Variants in ARHGEF40 observed in about 807,000 individuals in gnomAD.
The protein encoded by ARHGEF40 is Rho guanine nucleotide exchange factor (GEF) 40.
In ARHGEF40, 98 loss-of-function variants were observed where a neutral mutation model predicts 165.9. That is an observed-to-expected ratio of 0.59 (90% CI 0.50 to 0.70). The LOEUF (loss-of-function observed/expected upper bound fraction) is 0.70, where lower values mean the gene tolerates loss of function less well. ARHGEF40 is among the 30% of genes least tolerant of loss of function. The probability of loss-of-function intolerance (pLI) is 0.00; values close to 1 mark genes in which losing one functional copy is unlikely to be tolerated. For synonymous variants in ARHGEF40, 792 were observed against 814.3 expected (o/e 0.97, Z 0.47); for missense variants, 1,815 against 1,968.0 (o/e 0.92, Z 1.47).
Position 21,075,799 on chromosome 14 carries a change from T to C in ARHGEF40, c.1739+34T>C. 6.2e-7 allele frequency: 1 copy of C among 1,600,332 alleles called. No individual in the cohort carries two copies. Among genetic ancestry groups the C allele is most frequent in the Non-Finnish European group, 8.5e-7 (1 of 1,171,970 alleles). ...GGCCCAGTCCTGGCACCCTGGACAC[T>C]AACCTCCTGATTCATGAGGACCCTC... On this transcript the variant is annotated intron_variant, in intron 5 of 23. Transcript: ENST00000298694. This position sits in a 1 kb window ranked among gnomAD's most constrained non-coding sequence, Gnocchi z 4.5.
Position 21,076,863 on chromosome 14 carries a change from T to C in ARHGEF40, c.2007T>C (p.Ser669=), listed in dbSNP as rs1351969323. The C allele has an allele frequency of 6.2e-7, 1 of 1,613,482 alleles. No individual in the cohort carries two copies. Among genetic ancestry groups the C allele is most frequent in the South Asian group, 1.1e-5 (1 of 91,032 alleles). ...QWELGGHRDP[S]PSHWVEIHQE... is the part of the protein sequence containing the mutation. ...AGTTAGGAGGTCACAGGGACCCCTC[T>C]CCCAGTCACTGGGTAGAGATACACC... Residue 669 remains serine (S), a synonymous_variant, in exon 8 of 24, where the codon TCT becomes TCC. Transcript: ENST00000298694.
chr14:21,080,923 C>G lies in ARHGEF40; in HGVS notation c.2547C>G (p.Thr849=). The G allele has an allele frequency of 6.2e-7, 1 of 1,614,214 alleles. No individual in the cohort carries two copies. The highest frequency in any genetic ancestry group is 8.5e-7 in the Non-Finnish European group (1 of 1,180,036). ...CCCTGGCTCTGGAGGAGAATGCCAC[C>G]TCCCAGAAGGTGCTGGATATCTTTG... is the stretch of plus-strand genomic sequence containing the variant. ...REALALEENA[T]SQKVLDIFEQ... The change falls in exon 13 of 24, where the codon ACC becomes ACG. Residue 849 remains threonine (T), a synonymous_variant. Coordinates refer to ENST00000298694, the MANE Select transcript of ARHGEF40 (RefSeq NM_018071.5).
intron 8 of ARHGEF40, 38 bp downstream of exon 8, chr14:21,076,928 A>C: frequency 1.3e-6 from 2 of 1,544,024 alleles, no homozygotes; most frequent in Non-Finnish European, 1.8e-6. Context: ...GCTGGGAGCC[A>C]GGAATAACCC....
rs571015649 is a variant in ARHGEF40, at chr14:21,072,946, G to C, written c.4-99G>C. The C allele has an allele frequency of 9.0e-6, 11 of 1,224,942 alleles. No homozygotes were observed. The East Asian group carries it at 2.6e-4, about 29-fold the overall frequency. The allele number at this position is 1,224,942 out of a possible 1,614,324, so 75.9% of individuals were successfully genotyped here. On this transcript the variant is annotated intron_variant, in intron 1 of 23. Coordinates refer to ENST00000298694, the MANE Select transcript of ARHGEF40 (RefSeq NM_018071.5). The surrounding 1 kb of genome is among the most constrained non-coding windows in gnomAD (Gnocchi z 4.1). Reference sequence around the variant, plus strand: ...ACTTTTTGCCCACATTGTACAATCGGGGCTTTGGAGAACACAGCCAACCCC... The same window carrying C: ...ACTTTTTGCCCACATTGTACAATCGCGGCTTTGGAGAACACAGCCAACCCC...
the ARHGEF40 span, among the ~76,000 whole-genome samples, chr14:21,064,947 G>A: frequency 1.3e-5 from 2 of 152,158 alleles, no homozygotes; most frequent in Non-Finnish European, 2.9e-5. Flanking sequence ...GAGGCAGGCA[G>A]ATCACCTGAG....
chr14:21,076,564 A>C lies in ARHGEF40; in HGVS notation c.1838A>C (p.Asp613Ala), dbSNP rs1030287851. 2 of 1,614,116 alleles carry C rather than the reference A, an allele frequency of 1.2e-6. No homozygotes were observed. Among genetic ancestry groups the C allele is most frequent in the South Asian group, 2.2e-5 (2 of 91,084 alleles). The part of the protein sequence containing the change: ...ALIPALSQLQ[D>A]SGDPPLVQRL... ...AGGGTTATTCTTTTCTGCCCTTAGGACTCAGGAGATCCTCCCCTTGTTCAG... is the reference window on the plus strand; with the variant it reads ...AGGGTTATTCTTTTCTGCCCTTAGGCCTCAGGAGATCCTCCCCTTGTTCAG... The change falls in exon 7 of 24, where the codon GAC becomes GCC. Residue 613 changes from aspartate to alanine, a missense_variant and splice_region_variant. Transcript: ENST00000298694.
At chr14:21,085,060 T>A in intron 18 of ARHGEF40, 137 bp downstream of exon 18, 2 of 1,140,888 alleles carry the variant, frequency 1.8e-6, no homozygotes, top group Non-Finnish European at 2.5e-6. Context: ...TGTAATCGAC[T>A]ATCGAGTTAG....
Position 21,075,029 on chromosome 14 carries a change from G to A in ARHGEF40, c.1299G>A (p.Glu433=). Residue 433 remains glutamate (E), a synonymous_variant, in exon 3 of 24, where the codon GAG becomes GAA. Transcript: ENST00000298694. This position sits in a 1 kb window ranked among gnomAD's most constrained non-coding sequence, Gnocchi z 4.5. ...TTCCAGAATGCCACCTGGTTAAGGA[G>A]GAATATGAAGGCTCAGGGAAGCCAG... The part of the protein sequence containing the change: ...HKLPECHLVK[E]EYEGSGKPES... 1 of 1,614,028 alleles carries A rather than the reference G, an allele frequency of 6.2e-7. No individual in the cohort carries two copies. The highest frequency in any genetic ancestry group is 8.5e-7 in the Non-Finnish European group (1 of 1,180,036).
At chr14:21,067,105 T>A (rs186485239), upstream of ARHGEF40, among the ~76,000 whole-genome samples, 8 of 152,236 alleles carry the variant, frequency 5.3e-5, no homozygotes, top group African/African-American at 1.7e-4. Context: ...CAACCCTCCA[T>A]AAGATGGCAG....
In ARHGEF40 at chr14:21,073,942, G is replaced by C; in HGVS notation, c.212G>C (p.Ser71Thr). 1 of 1,601,628 alleles carries C rather than the reference G, an allele frequency of 6.2e-7. No individual in the cohort carries two copies. Among genetic ancestry groups the C allele is most frequent in the Non-Finnish European group, 8.5e-7 (1 of 1,178,322 alleles). ...KVQQEACAQY[S>T]GFLFFHEGWP... The stretch of plus-strand genomic sequence containing the variant: ...CACCTCTCTCCCCAGGCCCAATACA[G>C]TGGATTCCTCTTCTTCCATGAGGGG... The change falls in exon 3 of 24, where the codon AGT becomes ACT. Residue 71 changes from serine (S) to threonine (T), a missense_variant. Transcript: ENST00000298694. This position sits in a 1 kb window ranked among gnomAD's most constrained non-coding sequence, Gnocchi z 4.6.
chr14:21,077,647 T>C (rs1388589184), intron 8 of ARHGEF40, among the ~76,000 whole-genome samples: 1 of 152,182 alleles, frequency 6.6e-6, no homozygotes, highest in Non-Finnish European at 1.5e-5. Context: ...ATCAGCGCAG[T>C]ATAACAATCA....
In ARHGEF40 at chr14:21,089,663, C is replaced by A. The variant is rs919234264; in HGVS notation, c.*655C>A. The A allele has an allele frequency of 6.6e-6, 1 of 152,322 alleles. No homozygotes were observed. The highest frequency in any genetic ancestry group is 1.5e-5 in the Non-Finnish European group (1 of 68,084). The allele number at this position is 152,322 out of a possible 1,614,324, so 9.4% of individuals were successfully genotyped here. On this transcript the variant is annotated 3_prime_UTR_variant, in exon 24 of 24. Transcript: ENST00000298694. ...AAATAAAACCAAGACTGGAAGGTCC[C>A]CTCTACCCCTCCCAGGCCCAGAGCT...
Position 21,073,675 on chromosome 14 carries a change from T to A in ARHGEF40, c.202-257T>A, listed in dbSNP as rs561743180. 6.6e-6 allele frequency among the ~76,000 whole-genome samples: 1 copy of A among 152,290 alleles called. No homozygotes were observed. The highest frequency in any genetic ancestry group is 1.9e-4 in the East Asian group (1 of 5,174). On this transcript the variant is annotated intron_variant, in intron 2 of 23. Transcript: ENST00000298694. This position sits in a 1 kb window ranked among gnomAD's most constrained non-coding sequence, Gnocchi z 4.6. ...GACAATGGCATCTGCTGACCATGTC[T>A]TGGTAACGATTCAGTTCTTACCCTC...
chr14:21,070,410 C>T lies in ARHGEF40; in HGVS notation c.3+11C>T, dbSNP rs1188916713. Reference sequence around the variant, plus strand: ...CGGCGCCGAGCCATGGTGAGTCCAGCGTCGCAGCCCCCTGGGTCCCCTCGG... The same window carrying T: ...CGGCGCCGAGCCATGGTGAGTCCAGTGTCGCAGCCCCCTGGGTCCCCTCGG... On this transcript the variant is annotated intron_variant, in intron 1 of 23. Transcript: ENST00000298694. This position sits in a 1 kb window ranked among gnomAD's most constrained non-coding sequence, Gnocchi z 4.7. The T allele has an allele frequency of 3.5e-6, 5 of 1,416,816 alleles. No homozygotes were observed. Among genetic ancestry groups the T allele is most frequent in the Non-Finnish European group, 4.6e-6 (5 of 1,094,534 alleles). The allele number at this position is 1,416,816 out of a possible 1,614,324, so 87.8% of individuals were successfully genotyped here.
At chr14:21,065,206 C>A in the ARHGEF40 span, among the ~76,000 whole-genome samples, 26 of 151,788 alleles carry the variant, frequency 1.7e-4, no homozygotes, top group African/African-American at 5.3e-4. Flanking sequence ...CAAAAAAATT[C>A]TGTCCTGCAT....
Position 21,074,404 on chromosome 14 carries a change from G to A in ARHGEF40, c.674G>A (p.Arg225Gln), listed in dbSNP as rs1219383261. The A allele has an allele frequency of 1.2e-6, 2 of 1,611,692 alleles. No individual in the cohort carries two copies. Among genetic ancestry groups the A allele is most frequent in the Non-Finnish European group, 1.7e-6 (2 of 1,179,184 alleles). Residue 225 changes from arginine to glutamine, a missense_variant, in exon 3 of 24, where the codon CGG becomes CAG. Coordinates refer to ENST00000298694, the MANE Select transcript of ARHGEF40 (RefSeq NM_018071.5). This position sits in a 1 kb window ranked among gnomAD's most constrained non-coding sequence, Gnocchi z 4.8. ...PPLPEEALGT[R>Q]SPGDGHNAPV... ...CTTCCTGAGGAGGCGCTGGGTACCCGGAGTCCTGGGGATGGGCACAATGCC... is the reference window on the plus strand; with the variant it reads ...CTTCCTGAGGAGGCGCTGGGTACCCAGAGTCCTGGGGATGGGCACAATGCC...
At chr14:21,083,574 A>G (rs1461521927) in intron 16 of ARHGEF40, among the ~76,000 whole-genome samples, 3 of 152,146 alleles carry the variant, frequency 2.0e-5, no homozygotes, top group Non-Finnish European at 2.9e-5. Flanking sequence ...AAAGAAAAGA[A>G]AAGTTCAAAG....
Position 21,081,691 on chromosome 14 carries a change from C to T in ARHGEF40, c.2823C>T (p.Cys941=). The change falls in exon 14 of 24, where the codon TGC becomes TGT. Residue 941 remains cysteine, a synonymous_variant. Transcript: ENST00000298694. ...SPAALREWGR[C]QARCQELERR... is the part of the protein sequence containing the mutation. ...CAGCCCTGCGAGAATGGGGCCGCTG[C>T]CAGGCCCGCTGCCAAGAGCTAGAGA... The T allele has an allele frequency of 6.3e-7, 1 of 1,585,432 alleles. No homozygotes were observed.
Position 21,072,996 on chromosome 14 carries a change from C to A in ARHGEF40, c.4-49C>A, listed in dbSNP as rs376053997. 80 of 1,574,098 alleles carry A rather than the reference C, an allele frequency of 5.1e-5. No individual in the cohort carries two copies. Among genetic ancestry groups the A allele is most frequent in the Non-Finnish European group, 6.7e-5 (77 of 1,149,628 alleles). On this transcript the variant is annotated intron_variant, in intron 1 of 23. Coordinates refer to ENST00000298694, the MANE Select transcript of ARHGEF40 (RefSeq NM_018071.5). The surrounding 1 kb of genome is among the most constrained non-coding windows in gnomAD (Gnocchi z 4.1). ...CAGACCAGTGCAGCTCCCAAGGAGC[C>A]ATGATTGGGTGATCTCTAGGGATCT...
Sources: allele counts gnomAD v4.1 joint callset (sites outside exome capture counted in the v4.1 genomes callset), GRCh38; gene constraint gnomAD v4.1.1; non-coding constraint Gnocchi (gnomAD v3.1); transcripts MANE v1.5; gene names NCBI Gene and HGNC (gene_info 2026-07-23, HGNC 2026-07-21).